The following STPG2 variants were observed in gnomAD, a reference collection of about 807,000 sequenced individuals.
STPG2 encodes sperm-tail PG-rich repeat-containing protein 2.
Under a neutral mutation model 54.2 loss-of-function variants are expected in STPG2, and 56 were observed. That is an observed-to-expected ratio of 1.03 (90% CI 0.83 to 1.29). The LOEUF is 1.29. Ranked by LOEUF, STPG2 falls within the 50% of genes most tolerant of loss-of-function variation. The pLI, the probability that STPG2 is intolerant of heterozygous loss-of-function variation, is 0.00. For missense variants in STPG2, 596 were observed against 544.9 expected, an observed-to-expected ratio of 1.09 and a Z score of -0.93; for synonymous variants, 200 against 181.8, an observed-to-expected ratio of 1.10 and a Z score of -0.81.
chr4:97,935,213 C>T (rs1229352989), intron 8 of STPG2, among the ~76,000 whole-genome samples: 2 of 152,014 alleles, frequency 1.3e-5, no homozygotes, highest in Non-Finnish European at 2.9e-5. Flanking sequence ...CTTTTTATCA[C>T]TTTTTATTGT....
At chr4:97,767,527 A>G (rs1726090302) in intron 9 of STPG2, among the ~76,000 whole-genome samples, 1 of 152,190 alleles carries the variant, frequency 6.6e-6, no homozygotes, top group Non-Finnish European at 1.5e-5. Flanking sequence ...GCTGTACTTA[A>G]TTACAAAGGG....
intron 8 of STPG2, among the ~76,000 whole-genome samples, chr4:97,892,457 A>G (rs1382768969): frequency 6.6e-6 from 1 of 152,108 alleles, no homozygotes; most frequent in Non-Finnish European, 1.5e-5. Flanking sequence ...CAGGAAAGAG[A>G]ACAAAATGCC....
At chr4:97,771,083 T>C (rs1002532174) in intron 9 of STPG2, among the ~76,000 whole-genome samples, 1 of 152,288 alleles carries the variant, frequency 6.6e-6, no homozygotes, top group African/African-American at 2.4e-5. Flanking sequence ...TGAGGAAAAT[T>C]CTATTATTCA....
At chr4:97,707,676 C>G (rs886217616) in intron 10 of STPG2, among the ~76,000 whole-genome samples, 1 of 151,844 alleles carries the variant, frequency 6.6e-6, no homozygotes, top group African/African-American at 2.4e-5. Flanking sequence ...TCAATAAGGG[C>G]CTTCTGAATA....
intron 6 of STPG2, among the ~76,000 whole-genome samples, chr4:97,980,400 G>A (rs1734634571): frequency 6.6e-6 from 1 of 152,122 alleles, no homozygotes; most frequent in Non-Finnish European, 1.5e-5. Context: ...CAATCAATAT[G>A]TGCTACTCTG....
At chr4:97,503,529 C>CA (rs1730772438) in intron 4 of STPG2, among the ~76,000 whole-genome samples, 1 of 151,268 alleles carries the variant, frequency 6.6e-6, no homozygotes, top group Non-Finnish European at 1.5e-5. Context: ...CACAGAGTCT[C>CA]ACACTGTGAG....
At chr4:97,764,058 T>C (rs1725966619) in intron 9 of STPG2, among the ~76,000 whole-genome samples, 1 of 151,074 alleles carries the variant, frequency 6.6e-6, no homozygotes, top group South Asian at 2.1e-4. Context: ...TCACAGAACA[T>C]GGTAGAGCTT....
intron 3 of STPG2, among the ~76,000 whole-genome samples, chr4:98,120,751 G>A (rs1739655369): frequency 6.6e-6 from 1 of 151,948 alleles, no homozygotes; most frequent in Admixed American, 6.6e-5. Context: ...CTTTTTTACT[G>A]GGGTTGTTTT....
chr4:97,847,689 C>T (rs1728998504), intron 8 of STPG2, among the ~76,000 whole-genome samples: 1 of 152,168 alleles, frequency 6.6e-6, no homozygotes, highest in African/African-American at 2.4e-5. Flanking sequence ...GACATTTGCA[C>T]ATCATTATCC....
intron 5 of STPG2, among the ~76,000 whole-genome samples, chr4:98,064,688 C>A (rs535562664): frequency 6.6e-6 from 1 of 152,236 alleles, no homozygotes; most frequent in South Asian, 2.1e-4. Context: ...AAGAAAGTTG[C>A]ATACTTGCAA....
intron 4 of STPG2, among the ~76,000 whole-genome samples, chr4:97,446,781 C>T (rs1486276395): frequency 6.6e-6 from 1 of 152,176 alleles, no homozygotes; most frequent in Non-Finnish European, 1.5e-5. Flanking sequence ...GTAAGTTTCC[C>T]AAGGCCTCCC....
At chr4:97,662,595 G>A (rs965710743) in intron 10 of STPG2, among the ~76,000 whole-genome samples, 17 of 152,144 alleles carry the variant, frequency 1.1e-4, no homozygotes, top group African/African-American at 4.1e-4. Flanking sequence ...CAATAGCAAA[G>A]ACATGGAATC....
At chr4:97,536,556 G>T (rs1351313675) in intron 4 of STPG2, among the ~76,000 whole-genome samples, 2 of 152,104 alleles carry the variant, frequency 1.3e-5, no homozygotes, top group Admixed American at 1.3e-4. Context: ...ATGAATTAAA[G>T]AAAAAAGACA....
In STPG2 at chr4:97,634,259, CA is replaced by C. The variant is rs544472848; in HGVS notation, c.1321-75143del. On this transcript the variant is annotated intron_variant, in intron 10 of 10. Coordinates refer to ENST00000295268, the MANE Select transcript of STPG2 (RefSeq NM_174952.3). ...TGACACCTCACACTTCAGGGTACTC[CA>C]ACAGACCTGCAGCTGAGGGTCCTGT... Among the ~76,000 whole-genome samples, 75 of 152,188 alleles carry C rather than the reference CA, an allele frequency of 4.9e-4. 1 individual carries two copies. Among genetic ancestry groups the C allele is most frequent in the Admixed American group, 3.6e-3 (55 of 15,292 alleles).
chr4:97,563,371 GA>G lies in STPG2; in HGVS notation c.1321-4255del, dbSNP rs1372782525. 2.6e-5 allele frequency among the ~76,000 whole-genome samples: 4 copies of G among 151,944 alleles called. 1 individual carries two copies. The highest frequency in any genetic ancestry group is 5.9e-5 in the Non-Finnish European group (4 of 67,994). On this transcript the variant is annotated intron_variant, in intron 10 of 10. Coordinates refer to ENST00000295268, the MANE Select transcript of STPG2 (RefSeq NM_174952.3). ...TTGCTAGCGGTCTATCAATTTTGTT[GA>G]TCCTTTCAAAAAACCAGCTCCTGGA...
At chr4:97,492,645 C>CTT (rs112806773) in intron 4 of STPG2, among the ~76,000 whole-genome samples, 137 of 146,640 alleles carry the variant, frequency 9.3e-4, no homozygotes, top group African/African-American at 3.1e-3. Flanking sequence ...ATGATAAAAA[C>CTT]TTTTTTTTTT....
intron 4 of STPG2, among the ~76,000 whole-genome samples, chr4:97,538,711 A>C (rs530928124): frequency 2.0e-5 from 3 of 152,142 alleles, no homozygotes; most frequent in Admixed American, 1.3e-4. Flanking sequence ...GATACTCCTC[A>C]AGAAGAGCAA....
intron 9 of STPG2, among the ~76,000 whole-genome samples, chr4:97,775,169 TA>T (rs1266638502): frequency 6.6e-6 from 1 of 152,136 alleles, no homozygotes; most frequent in Non-Finnish European, 1.5e-5. Flanking sequence ...AAGGGTAGAT[TA>T]CTGGGAATAA....
intron 4 of STPG2, among the ~76,000 whole-genome samples, chr4:97,502,155 T>G (rs1196980932): frequency 2.0e-5 from 3 of 152,038 alleles, no homozygotes; most frequent in Admixed American, 2.0e-4. Flanking sequence ...GTTTAAGGAA[T>G]ATAATAAAGT....
Sources: gnomAD v4.1 joint callset for allele counts (sites outside exome capture counted in the v4.1 genomes callset) on GRCh38, gnomAD v4.1.1 for gene constraint, MANE v1.5 for transcripts, NCBI Gene and HGNC (gene_info 2026-07-23, HGNC 2026-07-21) for gene names.